The following CCDC6 variants were observed in gnomAD, a reference collection of about 807,000 sequenced individuals.
The protein encoded by CCDC6 is coiled-coil domain containing 6, also known as coiled-coil domain-containing protein 6.
In CCDC6, 20 loss-of-function variants were observed where a neutral mutation model predicts 56.6. The observed-to-expected ratio is 0.35, with a 90% CI of 0.25 to 0.51. The LOEUF (loss-of-function observed/expected upper bound fraction) is 0.51. Among genes scored for constraint, CCDC6 ranks in the 20% least tolerant of loss-of-function variants. CCDC6 has a pLI of 0.95. For missense variants in CCDC6, 367 were observed against 601.1 expected, an observed-to-expected ratio of 0.61 and a Z score of 4.07; for synonymous variants, 241 against 234.4, an observed-to-expected ratio of 1.03 and a Z score of -0.26.
chr10:59,791,134 T>G lies in CCDC6; in HGVS notation c.*1783A>C. 1 of 199,350 alleles carries G rather than the reference T, an allele frequency of 5.0e-6. No homozygotes were observed. Among genetic ancestry groups the G allele is most frequent in the African/African-American group, 2.3e-5 (1 of 43,584 alleles). 12.3% of individuals were successfully genotyped at this position (199,350 alleles called of 1,614,324 possible). A position where few individuals can be genotyped will look rare whatever the true frequency, so the allele number is the denominator to read the frequency against. Reference sequence around the variant, plus strand: ...CTGATCACATCAAAAACCTAAAGCCTCAATGATTAAATGCCAAACTTCTTC... The same window carrying G: ...CTGATCACATCAAAAACCTAAAGCCGCAATGATTAAATGCCAAACTTCTTC... On this transcript the variant is annotated 3_prime_UTR_variant, in exon 9 of 9. Coordinates refer to ENST00000263102, the MANE Select transcript of CCDC6 (RefSeq NM_005436.5).
rs147062733 is a variant in CCDC6, at chr10:59,869,977, C to T, written c.304-17275G>A. ...GGCTGGCTACCTGTCATCTCAGATC[C>T]CCCTGAAGAGGCTGTCTCAGCCATC... On this transcript the variant is annotated intron_variant, in intron 1 of 8. Transcript: ENST00000263102. Among the ~76,000 whole-genome samples, 1,282 of 152,264 alleles carry T rather than the reference C, an allele frequency of 8.4e-3. 15 individuals carry two copies. Among genetic ancestry groups the T allele is most frequent in the African/African-American group, 0.029 (1,199 of 41,546 alleles).
intron 1 of CCDC6, among the ~76,000 whole-genome samples, chr10:59,900,348 A>T (rs1003798871): frequency 6.6e-6 from 1 of 152,156 alleles, no homozygotes; most frequent in African/African-American, 2.4e-5. Flanking sequence ...GTCTATTTCA[A>T]CTGACAAGGT....
At chr10:59,876,562 G>A (rs2071282979) in intron 1 of CCDC6, among the ~76,000 whole-genome samples, 1 of 133,240 alleles carries the variant, frequency 7.5e-6, no homozygotes. Context: ...TAGCTGCCGT[G>A]TTATATAAAC....
At chr10:59,832,789 A>G (rs6479654) in intron 2 of CCDC6, 136 bp from the exon 3 acceptor site, 368,686 of 783,838 alleles carry the variant, frequency 0.47, 89,685 homozygotes, top group African/African-American at 0.66. Flanking sequence ...ATGTGCAAGT[A>G]TATACCTAGT....
chr10:59,901,255 T>G (rs1480129125), intron 1 of CCDC6, among the ~76,000 whole-genome samples: 2 of 152,136 alleles, frequency 1.3e-5, no homozygotes, highest in African/African-American at 4.8e-5. Context: ...TGTGTTTCCA[T>G]AAGAATCTAA....
chr10:59,862,560 T>TACACACAC (rs1194847309), intron 1 of CCDC6, among the ~76,000 whole-genome samples: 2 of 86,506 alleles, frequency 2.3e-5, no homozygotes, highest in South Asian at 3.8e-4. Context: ...CACACACATA[T>TACACACAC]ATATACACAT....
intron 1 of CCDC6, among the ~76,000 whole-genome samples, chr10:59,884,096 A>G (rs61845860): frequency 3.9e-5 from 6 of 152,210 alleles, no homozygotes; most frequent in Admixed American, 1.3e-4. Flanking sequence ...ACTAAAAGCC[A>G]TATTATCTCT....
Position 59,906,338 on chromosome 10 carries a change from C to T in CCDC6, c.87G>A (p.Ser29=). ...SSAAMQSSCS[S]TSGGGGGGGG... is the part of the protein sequence containing the mutation. The stretch of plus-strand genomic sequence containing the variant: ...CGCCGCCACCGCCGCCGCCCGAGGT[C>T]GACGAGCAGGACGACTGCATGGCGG... The change falls in exon 1 of 9, where the codon TCG becomes TCA. Residue 29 remains serine, a synonymous_variant. Transcript: ENST00000263102. The T allele has an allele frequency of 6.3e-7, 1 of 1,599,198 alleles. No homozygotes were observed. Among genetic ancestry groups the T allele is most frequent in the Admixed American group, 1.7e-5 (1 of 59,904 alleles).
chr10:59,891,413 T>C (rs1298886266), intron 1 of CCDC6, among the ~76,000 whole-genome samples: 3 of 152,210 alleles, frequency 2.0e-5, no homozygotes, highest in African/African-American at 7.2e-5. Flanking sequence ...ATAGAAGCTA[T>C]AGAAGACTTT....
rs545595768 is a variant in CCDC6, at chr10:59,818,499, G to T, written c.583-3744C>A. On this transcript the variant is annotated intron_variant, in intron 3 of 8. Transcript: ENST00000263102. ...GTCCTTTTATTATAATGTTGACGGG[G>T]GGGGGGGAAGCAGATTCTCAGTGGG... 7.8e-5 allele frequency among the ~76,000 whole-genome samples: 9 copies of T among 116,074 alleles called. 1 individual carries two copies. The highest frequency in any genetic ancestry group is 2.3e-4 in the East Asian group (1 of 4,370). The allele number at this position is 116,074 out of a possible 152,430, so 76.1% of individuals were successfully genotyped here.
intron 3 of CCDC6, among the ~76,000 whole-genome samples, chr10:59,822,465 G>A (rs1301459120): frequency 6.6e-6 from 1 of 152,220 alleles, no homozygotes; most frequent in African/African-American, 2.4e-5. Flanking sequence ...TTTAGGGAAA[G>A]CAAGTTTCAC....
chr10:59,803,464 C>CA (rs1335386615), intron 7 of CCDC6, among the ~76,000 whole-genome samples: 1 of 152,248 alleles, frequency 6.6e-6, no homozygotes, highest in Non-Finnish European at 1.5e-5. Flanking sequence ...GCCTCTGTCA[C>CA]AGTCCCCTCC....
intron 3 of CCDC6, among the ~76,000 whole-genome samples, chr10:59,824,055 T>C (rs60884657): frequency 0.018 from 2,733 of 152,320 alleles, 104 homozygotes; most frequent in African/African-American, 0.062. Flanking sequence ...TTCCATCATG[T>C]AACATCATCT....
chr10:59,895,440 A>T (rs2071454888), intron 1 of CCDC6, among the ~76,000 whole-genome samples: 1 of 152,232 alleles, frequency 6.6e-6, no homozygotes, highest in Non-Finnish European at 1.5e-5. Flanking sequence ...CAGGCAAGTG[A>T]TACAAGCTTT....
chr10:59,800,417 A>G (rs1472097535), intron 7 of CCDC6, among the ~76,000 whole-genome samples: 1 of 152,200 alleles, frequency 6.6e-6, no homozygotes, highest in Admixed American at 6.5e-5. Context: ...TAACCCTTTG[A>G]GATTAGGTCT....
At chr10:59,834,066 G>A (rs550737424) in intron 2 of CCDC6, among the ~76,000 whole-genome samples, 1 of 152,188 alleles carries the variant, frequency 6.6e-6, no homozygotes, top group Non-Finnish European at 1.5e-5. Flanking sequence ...TAGAAAAAAA[G>A]CCACGTATGC....
chr10:59,835,857 C>T (rs1442719619), intron 2 of CCDC6, among the ~76,000 whole-genome samples: 6 of 151,942 alleles, frequency 3.9e-5, no homozygotes, highest in Non-Finnish European at 7.4e-5. Context: ...CCAGAGTTTG[C>T]GACCAGCCTA....
Position 59,905,766 on chromosome 10 carries a change from TCA to T in CCDC6, c.303+354_303+355del, listed in dbSNP as rs544008199. On this transcript the variant is annotated intron_variant, in intron 1 of 8. Coordinates refer to ENST00000263102, the MANE Select transcript of CCDC6 (RefSeq NM_005436.5). ...GTTCCCCAGATTCTGGACGCACCCCTCAAACATGCTAGGGCTGAAAAAAGTCC... is the reference window on the plus strand; with the variant it reads ...GTTCCCCAGATTCTGGACGCACCCCTAACATGCTAGGGCTGAAAAAAGTCC... 3.0e-4 allele frequency among the ~76,000 whole-genome samples: 45 copies of T among 152,034 alleles called. No individual in the cohort carries two copies. In the South Asian group the frequency reaches 9.0e-3, roughly 30 times the overall value.
intron 1 of CCDC6, among the ~76,000 whole-genome samples, chr10:59,890,459 G>C (rs1325935987): frequency 2.0e-5 from 3 of 152,100 alleles, no homozygotes; most frequent in Non-Finnish European, 2.9e-5. Flanking sequence ...TCAGGTTTGT[G>C]GGGGAAGAAA....
Sources: gnomAD v4.1 joint callset for allele counts (sites outside exome capture counted in the v4.1 genomes callset) on GRCh38, gnomAD v4.1.1 for gene constraint, MANE v1.5 for transcripts, NCBI Gene and HGNC (gene_info 2026-07-23, HGNC 2026-07-21) for gene names.